TSNAXIP1: variants seen among roughly 807,000 people sequenced by gnomAD.
TSNAXIP1 encodes the protein translin associated factor X interacting protein 1.
In TSNAXIP1, 89 loss-of-function variants were observed where a neutral mutation model predicts 84.8. That is an observed-to-expected ratio of 1.05 (90% CI 0.88 to 1.25). TSNAXIP1 has a LOEUF of 1.25. TSNAXIP1 is among the 50% of genes most tolerant of loss of function. The pLI, the probability that TSNAXIP1 is intolerant of heterozygous loss-of-function variation, is 0.00. For missense variants in TSNAXIP1, 874 were observed against 887.6 expected (o/e 0.98, Z 0.20); for synonymous variants, 347 against 335.2 (o/e 1.04, Z -0.39).
chr16:67,813,047 A>T (rs1280559589), intron 1 of TSNAXIP1, among the ~76,000 whole-genome samples: 1 of 151,952 alleles, frequency 6.6e-6, no homozygotes, highest in Non-Finnish European at 1.5e-5. Flanking sequence ...CAGCCTCCTG[A>T]GTAGCTGGAA....
intron 2 of TSNAXIP1, among the ~76,000 whole-genome samples, chr16:67,817,123 A>G (rs1598031384): frequency 1.3e-5 from 2 of 149,238 alleles, no homozygotes; most frequent in Non-Finnish European, 3.0e-5. Context: ...GTGTCACCAC[A>G]CCTGGCTAAT....
intron 2 of TSNAXIP1, among the ~76,000 whole-genome samples, chr16:67,816,450 C>T (rs1297993764): frequency 6.6e-6 from 1 of 152,156 alleles, no homozygotes; most frequent in Non-Finnish European, 1.5e-5. Flanking sequence ...GACCCTGACC[C>T]TCGTGGGGAA....
intron 2 of TSNAXIP1, among the ~76,000 whole-genome samples, chr16:67,818,545 G>C (rs1025809898): frequency 6.6e-6 from 1 of 151,836 alleles, no homozygotes; most frequent in Admixed American, 6.6e-5. Flanking sequence ...TAAACTCCCA[G>C]GTGTCTTCCA....
At chr16:67,821,257 G>T in intron 4 of TSNAXIP1, 32 bp downstream of exon 4, 1 of 1,533,100 alleles carries the variant, frequency 6.5e-7, no homozygotes, top group Non-Finnish European at 8.9e-7. Flanking sequence ...TGGGGAGGGC[G>T]GGGGAAGGGT....
chr16:67,823,687 C>T lies in TSNAXIP1; in HGVS notation c.449C>T (p.Ser150Phe), dbSNP rs1344215254. 8.7e-6 allele frequency: 14 copies of T among 1,613,754 alleles called. No homozygotes were observed. The highest frequency in any genetic ancestry group is 1.0e-5 in the Non-Finnish European group (12 of 1,179,830). The change falls in exon 5 of 16, where the codon TCC (serine) becomes TTC (phenylalanine). Residue 150 changes from serine to phenylalanine, a missense_variant. Physicochemically the swap from Ser to Phe is radical, Grantham distance 155 (BLOSUM62 -2). Transcript: ENST00000561639. ...EDFKTYKPLL[S>F]SIKNAYEGML... Reference sequence around the variant, plus strand: ...TTCAAAACGTACAAGCCATTACTATCCTCCATCAAGAATGCGTATGAGGGG... The same window carrying T: ...TTCAAAACGTACAAGCCATTACTATTCTCCATCAAGAATGCGTATGAGGGG...
At chr16:67,815,858 G>A (rs972475869) in intron 2 of TSNAXIP1, among the ~76,000 whole-genome samples, 1 of 151,152 alleles carries the variant, frequency 6.6e-6, no homozygotes, top group Non-Finnish European at 1.5e-5. Flanking sequence ...GGAGCACAGT[G>A]GCGCGATCTC....
intron 1 of TSNAXIP1, among the ~76,000 whole-genome samples, chr16:67,813,163 G>A (rs1052787627): frequency 2.6e-5 from 4 of 152,126 alleles, no homozygotes; most frequent in Non-Finnish European, 5.9e-5. Context: ...GACGTGGGTG[G>A]ATCATTTGAG....
At chr16:67,813,858 A>AT (rs2056327775) in intron 1 of TSNAXIP1, among the ~76,000 whole-genome samples, 1 of 151,942 alleles carries the variant, frequency 6.6e-6, no homozygotes, top group African/African-American at 2.4e-5. Context: ...CTTAGACCCT[A>AT]TCAGCTGCCA....
chr16:67,821,017 G>A lies in TSNAXIP1; in HGVS notation c.260+66G>A, dbSNP rs2057005599. 3 of 1,597,948 alleles carry A rather than the reference G, an allele frequency of 1.9e-6. No homozygotes were observed. The East Asian group carries it at 6.7e-5, about 36-fold the overall frequency. ...GCCAGGCTTTGGGCCAGGAGACAGG[G>A]CAGGGGCGTGTGTTGCCCCAGACTG... On this transcript the variant is annotated intron_variant, in intron 3 of 15. Coordinates refer to ENST00000561639, the MANE Select transcript of TSNAXIP1 (RefSeq NM_001288990.3).
intron 8 of TSNAXIP1, 23 bp from the exon 9 acceptor site, chr16:67,825,894 A>G (rs2057402814): frequency 6.2e-7 from 1 of 1,613,938 alleles, no homozygotes; most frequent in African/African-American, 1.3e-5. Context: ...GTGGGGGGCC[A>G]GGGCCAATGT....
intron 4 of TSNAXIP1, among the ~76,000 whole-genome samples, chr16:67,821,573 G>A (rs928313985): frequency 1.1e-4 from 16 of 151,858 alleles, no homozygotes; most frequent in South Asian, 2.1e-4. Context: ...GTGAGACTCC[G>A]TCTCAAAAAC....
chr16:67,825,099 AG>A, intron 6 of TSNAXIP1, 37 bp from the exon 7 acceptor site: 1 of 1,606,946 alleles, frequency 6.2e-7, no homozygotes, highest in Non-Finnish European at 8.5e-7. Context: ...ACAGGGGTCC[AG>A]GGGCAGCCCC....
chr16:67,812,669 A>G (rs1382628272), intron 1 of TSNAXIP1, among the ~76,000 whole-genome samples: 1 of 107,594 alleles, frequency 9.3e-6, no homozygotes, highest in South Asian at 2.5e-4. Context: ...CTGTCTCAAG[A>G]AAAAAAAAAA....
chr16:67,812,034 G>C (rs1329513887), intron 1 of TSNAXIP1, among the ~76,000 whole-genome samples: 1 of 152,154 alleles, frequency 6.6e-6, no homozygotes, highest in Non-Finnish European at 1.5e-5. Flanking sequence ...AACTTCCCTG[G>C]AGTTTGGGTA....
intron 1 of TSNAXIP1, among the ~76,000 whole-genome samples, chr16:67,813,070 G>A (rs1015903003): frequency 3.3e-5 from 5 of 151,818 alleles, no homozygotes; most frequent in African/African-American, 1.2e-4. Flanking sequence ...AGAGGCACCC[G>A]CCACCACACT....
intron 6 of TSNAXIP1, 136 bp downstream of exon 6, chr16:67,824,915 A>G: frequency 8.9e-7 from 1 of 1,124,764 alleles, no homozygotes. Flanking sequence ...GAGCCTTGCT[A>G]ACTCCACCCT....
intron 1 of TSNAXIP1, among the ~76,000 whole-genome samples, chr16:67,808,723 C>T (rs1447407347): frequency 6.0e-5 from 9 of 149,610 alleles, no homozygotes; most frequent in Admixed American, 3.3e-4. Context: ...CTAGCCTGGG[C>T]GACAGAGTGA....
At chr16:67,815,806 GTT>G (rs1261800712) in intron 2 of TSNAXIP1, among the ~76,000 whole-genome samples, 1 of 144,216 alleles carries the variant, frequency 6.9e-6, no homozygotes. Flanking sequence ...GCTCAATACT[GTT>G]TTTTTTTTTG....
rs371486488 is a variant in TSNAXIP1, at chr16:67,825,166, G to A, written c.708G>A (p.Glu236=). 4 of 1,614,036 alleles carry A rather than the reference G, an allele frequency of 2.5e-6. No individual in the cohort carries two copies. The African/African-American group carries it at 4.0e-5, about 16-fold the overall frequency. ...CCAAACTGAGGAAGAACTTGGCTGA[G>A]GAGTACCTGCACTACCTCAGTGAGC... ...EVTKLRKNLA[E]EYLHYLSERD... The change falls in exon 7 of 16, where the codon GAG becomes GAA. Residue 236 remains glutamate (E), a synonymous_variant. Transcript: ENST00000561639.
Sources: allele counts gnomAD v4.1 joint callset (sites outside exome capture counted in the v4.1 genomes callset), GRCh38; gene constraint gnomAD v4.1.1; transcripts MANE v1.5; gene names NCBI Gene and HGNC (gene_info 2026-07-23, HGNC 2026-07-21).